PHF20: variants seen among roughly 807,000 people sequenced by gnomAD.
The protein encoded by PHF20 is glioma-expressed antigen 2.
Under a neutral mutation model 113.5 loss-of-function variants are expected in PHF20, and 23 were observed. The observed-to-expected ratio is 0.20, with a 90% confidence interval of 0.15 to 0.29. PHF20 has a LOEUF of 0.29. Among genes scored for constraint, PHF20 ranks in the 10% least tolerant of loss-of-function variants. PHF20 has a pLI of 1.00. For missense variants in PHF20, 943 were observed against 1,219.6 expected, an observed-to-expected ratio of 0.77 and a Z score of 3.38; for synonymous variants, 434 against 457.3, an observed-to-expected ratio of 0.95 and a Z score of 0.65.
intron 1 of PHF20, among the ~76,000 whole-genome samples, chr20:35,779,450 A>G (rs574653032): frequency 6.6e-6 from 1 of 152,098 alleles, no homozygotes; most frequent in South Asian, 2.1e-4. Context: ...CTGTCCTAGT[A>G]GAGACCTGAT....
intron 15 of PHF20, among the ~76,000 whole-genome samples, chr20:35,933,520 C>G (rs1441964298): frequency 1.3e-5 from 2 of 152,102 alleles, no homozygotes; most frequent in African/African-American, 4.8e-5. Flanking sequence ...CCTCAGCCTC[C>G]CGAGTAGCTG....
At chr20:35,918,874 G>C (rs1201804807) in intron 13 of PHF20, among the ~76,000 whole-genome samples, 1 of 152,158 alleles carries the variant, frequency 6.6e-6, no homozygotes, top group Non-Finnish European at 1.5e-5. Flanking sequence ...CAGTAAAGGG[G>C]GTGGCTGCCC....
At chr20:35,884,827 A>G (rs1225957351) in intron 9 of PHF20, among the ~76,000 whole-genome samples, 1 of 151,926 alleles carries the variant, frequency 6.6e-6, no homozygotes, top group Non-Finnish European at 1.5e-5. Context: ...TCTCTCCCAG[A>G]TTTTATTTTA....
rs771829423 is a variant in PHF20, at chr20:35,938,989, G to A, written c.2593G>A (p.Asp865Asn). The A allele has an allele frequency of 6.2e-6, 10 of 1,614,130 alleles. No homozygotes were observed. Among genetic ancestry groups the A allele is most frequent in the Non-Finnish European group, 5.9e-6 (7 of 1,180,012 alleles). ...LVVETRGSALDDAVNPLHENG... is the reference protein window; with the variant it reads ...LVVETRGSALNDAVNPLHENG... ...GGTGGAGACGAGGGGCTCTGCCCTC[G>A]ACGATGCGGTCAACCCCCTCCATGA... is the stretch of plus-strand genomic sequence containing the variant. The change falls in exon 16 of 18, where the codon GAC (aspartate) becomes AAC (asparagine). Residue 865 changes from aspartate to asparagine, a missense_variant. Physicochemically the swap from Asp to Asn is conservative, Grantham distance 23 (BLOSUM62 1). Around this residue, in one of 3 missense-constraint regions of PHF20, gnomAD observed 349 missense variants for 412.3 expected, o/e 0.85. Coordinates refer to ENST00000374012, the MANE Select transcript of PHF20 (RefSeq NM_016436.5).
At chr20:35,795,184 C>CT (rs2041641876) in intron 1 of PHF20, among the ~76,000 whole-genome samples, 1 of 143,454 alleles carries the variant, frequency 7.0e-6, no homozygotes, top group South Asian at 2.2e-4. Flanking sequence ...GAGCGAGACT[C>CT]TGTCTTAAAA....
At chr20:35,936,030 A>G (rs969215568) in intron 15 of PHF20, among the ~76,000 whole-genome samples, 1 of 152,240 alleles carries the variant, frequency 6.6e-6, no homozygotes, top group Non-Finnish European at 1.5e-5. Context: ...GACAGGGCTT[A>G]CAAGGAAATG....
intron 12 of PHF20, 146 bp from the exon 13 acceptor site, chr20:35,917,338 G>A (rs2055423123): frequency 3.9e-6 from 3 of 774,520 alleles, no homozygotes; most frequent in African/African-American, 1.7e-5. Context: ...CAGATCCAAG[G>A]ACAGATTGGC....
chr20:35,907,264 G>A (rs2055217480), intron 10 of PHF20, among the ~76,000 whole-genome samples: 1 of 152,178 alleles, frequency 6.6e-6, no homozygotes, highest in Non-Finnish European at 1.5e-5. Context: ...GTATGGAGGA[G>A]CAAGAGGGCC....
chr20:35,834,352 A>G (rs929233878), intron 2 of PHF20, among the ~76,000 whole-genome samples: 2 of 151,066 alleles, frequency 1.3e-5, no homozygotes, highest in African/African-American at 4.9e-5. Context: ...TCCCAGATAA[A>G]GCAATTCTCC....
intron 1 of PHF20, among the ~76,000 whole-genome samples, chr20:35,772,858 C>G (rs192965711): frequency 3.9e-5 from 6 of 152,280 alleles, no homozygotes; most frequent in Admixed American, 2.0e-4. Flanking sequence ...AAGAATTCCC[C>G]TTTTCCAGGT....
intron 14 of PHF20, among the ~76,000 whole-genome samples, 176 bp from the exon 15 acceptor site, chr20:35,931,073 A>G (rs1351500724): frequency 6.6e-6 from 1 of 152,186 alleles, no homozygotes; most frequent in Non-Finnish European, 1.5e-5. Context: ...CCACTACCTA[A>G]TAGAGAGCCC....
At chr20:35,846,385 C>T (rs889137213) in intron 3 of PHF20, among the ~76,000 whole-genome samples, 1 of 152,030 alleles carries the variant, frequency 6.6e-6, no homozygotes, top group African/African-American at 2.4e-5. Flanking sequence ...ACCATGTTGG[C>T]CAGGCTGATC....
chr20:35,933,169 A>G (rs2055794506), intron 15 of PHF20, among the ~76,000 whole-genome samples: 1 of 148,440 alleles, frequency 6.7e-6, no homozygotes, highest in Non-Finnish European at 1.5e-5. Context: ...TGCAGTGGCT[A>G]CTCACAGGTG....
intron 3 of PHF20, among the ~76,000 whole-genome samples, chr20:35,845,140 T>C (rs1376215542): frequency 6.6e-6 from 1 of 152,148 alleles, no homozygotes; most frequent in African/African-American, 2.4e-5. Context: ...TCATACTGTA[T>C]GTAACATTTC....
At chr20:35,872,664 G>A (rs568949835) in intron 9 of PHF20, among the ~76,000 whole-genome samples, 1 of 152,078 alleles carries the variant, frequency 6.6e-6, no homozygotes, top group Admixed American at 6.6e-5. Flanking sequence ...GGGTTACTTA[G>A]AAGTATGTTG....
At chr20:35,834,951 C>A (rs1014563990) in intron 2 of PHF20, among the ~76,000 whole-genome samples, 8 of 152,132 alleles carry the variant, frequency 5.3e-5, no homozygotes, top group African/African-American at 1.9e-4. Context: ...TCATTTCAAA[C>A]TCTCTTATCA....
chr20:35,781,562 C>T (rs2146829907), intron 1 of PHF20, among the ~76,000 whole-genome samples: 1 of 152,200 alleles, frequency 6.6e-6, no homozygotes, highest in Admixed American at 6.5e-5. Context: ...TAAAATTTGC[C>T]ATTTTAACCA....
intron 2 of PHF20, among the ~76,000 whole-genome samples, chr20:35,803,712 A>G (rs550544061): frequency 1.4e-5 from 2 of 147,108 alleles, no homozygotes; most frequent in Non-Finnish European, 3.0e-5. Context: ...GTGTATATAT[A>G]TAATATACTG....
chr20:35,827,351 A>C (rs1243250192), intron 2 of PHF20, among the ~76,000 whole-genome samples: 1 of 152,254 alleles, frequency 6.6e-6, no homozygotes, highest in African/African-American at 2.4e-5. Context: ...AGCAGTCTGA[A>C]TGCTTAACCT....
Sources: allele counts gnomAD v4.1 joint callset (sites outside exome capture counted in the v4.1 genomes callset), GRCh38; gene constraint gnomAD v4.1.1; regional missense constraint gnomAD v4.1.1; transcripts MANE v1.5; gene names NCBI Gene and HGNC (gene_info 2026-07-23, HGNC 2026-07-21).